Variants in PPP1R9A observed in about 807,000 individuals in gnomAD.
PPP1R9A encodes protein phosphatase 1 regulatory subunit 9A.
PPP1R9A carries 59 observed loss-of-function variants against 141.9 expected under a neutral mutation model. The ratio of observed to expected loss-of-function variants is 0.42; its 90% CI spans 0.34 to 0.52. The LOEUF (loss-of-function observed/expected upper bound fraction) is 0.52, where lower values mean the gene tolerates loss of function less well. Among genes scored for constraint, PPP1R9A ranks in the 20% least tolerant of loss-of-function variants. PPP1R9A has a pLI of 0.10. For synonymous variants in PPP1R9A, 500 were observed against 569.7 expected, an observed-to-expected ratio of 0.88 and a Z score of 1.74; for missense variants, 1,444 against 1,611.9, an observed-to-expected ratio of 0.90 and a Z score of 1.78.
At chr7:95,072,182 G>C (rs1319276681) in intron 2 of PPP1R9A, among the ~76,000 whole-genome samples, 1 of 148,242 alleles carries the variant, frequency 6.7e-6, no homozygotes, top group Non-Finnish European at 1.5e-5. Context: ...AAGGGAAACT[G>C]TTCTTTTTAT....
chr7:95,050,262 AT>A (rs1810610499), intron 2 of PPP1R9A, among the ~76,000 whole-genome samples: 1 of 152,110 alleles, frequency 6.6e-6, no homozygotes, highest in South Asian at 2.1e-4. Context: ...TCATCTACTT[AT>A]TTACCATGTG....
intron 2 of PPP1R9A, among the ~76,000 whole-genome samples, chr7:94,985,761 T>C (rs934026240): frequency 6.6e-6 from 1 of 152,182 alleles, no homozygotes; most frequent in Non-Finnish European, 1.5e-5. Context: ...GAGTTTCTTA[T>C]GATTGAGGGC....
chr7:95,220,221 A>G (rs1794215783), intron 7 of PPP1R9A, among the ~76,000 whole-genome samples: 1 of 152,200 alleles, frequency 6.6e-6, no homozygotes, highest in African/African-American at 2.4e-5. Context: ...GTTGGTGCAG[A>G]TTTAGGAATT....
At chr7:94,981,333 A>T (rs903365303) in intron 2 of PPP1R9A, among the ~76,000 whole-genome samples, 1 of 152,120 alleles carries the variant, frequency 6.6e-6, no homozygotes, top group African/African-American at 2.4e-5. Context: ...TCTGTCTCTC[A>T]GGTTCAAGCA....
At chr7:95,218,375 G>A (rs986348623) in intron 7 of PPP1R9A, among the ~76,000 whole-genome samples, 6 of 152,258 alleles carry the variant, frequency 3.9e-5, no homozygotes, top group Middle Eastern at 3.4e-3. Context: ...GCTCAGGAGG[G>A]CTTTACTTCC....
At chr7:95,275,956 CT>C (rs1803106865) in intron 16 of PPP1R9A, among the ~76,000 whole-genome samples, 1 of 152,152 alleles carries the variant, frequency 6.6e-6, no homozygotes, top group African/African-American at 2.4e-5. Context: ...AAAGGTAAAT[CT>C]GAGGCTATAT....
chr7:95,120,022 T>A (rs544338909), intron 3 of PPP1R9A, among the ~76,000 whole-genome samples: 2 of 146,346 alleles, frequency 1.4e-5, no homozygotes, highest in African/African-American at 5.0e-5. Context: ...AATGGCACAA[T>A]CTTGGCTCAC....
chr7:95,007,990 T>G (rs1057112350), intron 2 of PPP1R9A, among the ~76,000 whole-genome samples: 4 of 152,166 alleles, frequency 2.6e-5, no homozygotes, highest in Admixed American at 2.0e-4. Context: ...GAGAATTACT[T>G]GAACCTGGGA....
chr7:94,965,084 A>T (rs1444010579), intron 2 of PPP1R9A, among the ~76,000 whole-genome samples: 1 of 150,808 alleles, frequency 6.6e-6, no homozygotes, highest in Non-Finnish European at 1.5e-5. Context: ...AGTGATGATG[A>T]GCTTATGTTT....
intron 2 of PPP1R9A, among the ~76,000 whole-genome samples, chr7:95,019,607 C>G (rs1254512742): frequency 6.6e-6 from 1 of 151,990 alleles, no homozygotes; most frequent in Non-Finnish European, 1.5e-5. Context: ...TGAACTAATA[C>G]TTGATAAAAG....
intron 5 of PPP1R9A, among the ~76,000 whole-genome samples, chr7:95,172,578 A>G (rs1451784725): frequency 7.9e-5 from 12 of 151,840 alleles, no homozygotes; most frequent in East Asian, 1.9e-4. Flanking sequence ...ATCTAACAAT[A>G]TATTGCAGAC....
chr7:94,974,335 T>C (rs942018584), intron 2 of PPP1R9A, among the ~76,000 whole-genome samples: 2 of 152,138 alleles, frequency 1.3e-5, no homozygotes, highest in South Asian at 2.1e-4. Flanking sequence ...TAATCATAGA[T>C]AGAGAAATGG....
intron 12 of PPP1R9A, among the ~76,000 whole-genome samples, chr7:95,266,623 A>G (rs1359041752): frequency 6.6e-6 from 1 of 151,918 alleles, no homozygotes; most frequent in Non-Finnish European, 1.5e-5. Flanking sequence ...TTCAGGAGAG[A>G]AAAAAAATAC....
chr7:94,918,232 T>C (rs1792335226), intron 2 of PPP1R9A, among the ~76,000 whole-genome samples: 1 of 152,148 alleles, frequency 6.6e-6, no homozygotes, highest in Non-Finnish European at 1.5e-5. Context: ...CTCATCTCTT[T>C]AGTTTGTGAC....
chr7:95,286,362 A>G (rs1315527202), intron 18 of PPP1R9A, 37 bp downstream of exon 18: 3 of 1,607,058 alleles, frequency 1.9e-6, no homozygotes, highest in South Asian at 1.1e-5. Flanking sequence ...TGCTTTGTCA[A>G]ATCTGACGTT....
chr7:95,276,752 TA>T (rs1585598722), intron 16 of PPP1R9A, among the ~76,000 whole-genome samples: 1 of 151,990 alleles, frequency 6.6e-6, no homozygotes, highest in African/African-American at 2.4e-5. Context: ...GGAATTCATA[TA>T]ATTGGAATAG....
intron 2 of PPP1R9A, among the ~76,000 whole-genome samples, chr7:94,964,037 T>G (rs1270066759): frequency 6.6e-6 from 1 of 152,106 alleles, no homozygotes; most frequent in African/African-American, 2.4e-5. Flanking sequence ...ACTGACTAAA[T>G]TGTTTATTGT....
intron 2 of PPP1R9A, among the ~76,000 whole-genome samples, chr7:94,940,408 G>C (rs1259467663): frequency 2.0e-5 from 3 of 151,418 alleles, no homozygotes; most frequent in African/African-American, 7.3e-5. Context: ...ATCCAGATGT[G>C]TAACATCCTC....
At chr7:94,954,141 G>T (rs1796807641) in intron 2 of PPP1R9A, among the ~76,000 whole-genome samples, 1 of 151,622 alleles carries the variant, frequency 6.6e-6, no homozygotes, top group Non-Finnish European at 1.5e-5. Context: ...TTATTTTGAT[G>T]CTTAGCTCAT....
Sources: allele counts gnomAD v4.1 joint callset (sites outside exome capture counted in the v4.1 genomes callset), GRCh38; gene constraint gnomAD v4.1.1; transcripts MANE v1.5; gene names NCBI Gene and HGNC (gene_info 2026-07-23, HGNC 2026-07-21).